Variants in AKAP6 observed in about 807,000 individuals in gnomAD.
AKAP6 encodes A-kinase anchor protein 6.
AKAP6 carries 58 observed loss-of-function variants against 188.5 expected under a neutral mutation model. The observed-to-expected ratio is 0.31, with a 90% CI of 0.25 to 0.38. AKAP6 has a LOEUF of 0.38. Ranked by LOEUF, AKAP6 falls within the 10% of genes least tolerant of loss-of-function variation. The probability of loss-of-function intolerance (pLI) is 1.00; values close to 1 mark genes in which losing one functional copy is unlikely to be tolerated. For synonymous variants in AKAP6, 989 were observed against 998.6 expected, an observed-to-expected ratio of 0.99 and a Z score of 0.18; for missense variants, 2,710 against 2,740.0, an observed-to-expected ratio of 0.99 and a Z score of 0.24.
intron 2 of AKAP6, among the ~76,000 whole-genome samples, chr14:32,468,971 G>C (rs762142777): frequency 3.9e-5 from 6 of 152,152 alleles, no homozygotes; most frequent in Non-Finnish European, 8.8e-5. Context: ...AGTGGAATGT[G>C]TGAAAAACTG....
At chr14:32,396,518 C>G (rs998388482) in intron 1 of AKAP6, among the ~76,000 whole-genome samples, 2 of 152,176 alleles carry the variant, frequency 1.3e-5, no homozygotes, top group Non-Finnish European at 2.9e-5. Context: ...TCAATCCCAT[C>G]CTTCCTGCCA....
chr14:32,392,296 A>G (rs1378086567), intron 1 of AKAP6, among the ~76,000 whole-genome samples: 2 of 152,216 alleles, frequency 1.3e-5, no homozygotes, highest in Non-Finnish European at 2.9e-5. Context: ...AGTAAATAAT[A>G]TAATGAAAAC....
chr14:32,768,307 T>C (rs2032780622), intron 11 of AKAP6, among the ~76,000 whole-genome samples: 1 of 152,224 alleles, frequency 6.6e-6, no homozygotes, highest in South Asian at 2.1e-4. Context: ...ATCATTGTTT[T>C]GCTTTATTAT....
In AKAP6 at chr14:32,720,838, C is replaced by T. The variant is rs566514344; in HGVS notation, c.3001-11616C>T. Among the ~76,000 whole-genome samples, 54 of 152,152 alleles carry T rather than the reference C, an allele frequency of 3.5e-4. 2 individuals are homozygous for T. The South Asian group carries it at 7.7e-3, about 22-fold the overall frequency. On this transcript the variant is annotated intron_variant, in intron 9 of 13. Coordinates refer to ENST00000280979, the MANE Select transcript of AKAP6 (RefSeq NM_004274.5). ...GCCAACTGCACTCCAGCCTGGGCAA[C>T]ACAGCAAGAACCTGTCTCAAAAAAA...
chr14:32,661,157 C>A (rs1888682827), intron 7 of AKAP6, among the ~76,000 whole-genome samples: 1 of 151,958 alleles, frequency 6.6e-6, no homozygotes, highest in Admixed American at 6.6e-5. Flanking sequence ...AGTAGGAAGT[C>A]AAAATGCAGA....
chr14:32,822,007 G>C lies in AKAP6; in HGVS notation c.4194G>C (p.Leu1398=). The change falls in exon 13 of 14, where the codon CTG becomes CTC. Residue 1398 remains leucine (L), a synonymous_variant. Transcript: ENST00000280979. ...GSPSNLETEH[L]DPQMGDAVNV... ...CAAGTAACCTTGAAACTGAACATCT[G>C]GACCCACAAATGGGAGATGCAGTTA... 6.2e-7 allele frequency: 1 copy of C among 1,613,862 alleles called. No homozygotes were observed. Among genetic ancestry groups the C allele is most frequent in the Non-Finnish European group, 8.5e-7 (1 of 1,179,930 alleles).
At chr14:32,462,777 C>G (rs527778131) in intron 2 of AKAP6, among the ~76,000 whole-genome samples, 4 of 151,862 alleles carry the variant, frequency 2.6e-5, no homozygotes, top group Admixed American at 6.6e-5. Flanking sequence ...AAGACACAGA[C>G]TAACCAATTG....
chr14:32,503,924 G>C (rs945565666), intron 2 of AKAP6, among the ~76,000 whole-genome samples: 1 of 151,494 alleles, frequency 6.6e-6, no homozygotes, highest in Non-Finnish European at 1.5e-5. Flanking sequence ...CCATAAAAAG[G>C]CAAGTTTGTT....
At chr14:32,569,402 G>A (rs9322904) in intron 4 of AKAP6, among the ~76,000 whole-genome samples, 1,907 of 152,208 alleles carry the variant, frequency 0.013, 20 homozygotes, top group Admixed American at 0.021. Context: ...AAGCATACAC[G>A]ATCTTTCCTC....
chr14:32,428,596 T>C (rs1051982176), intron 1 of AKAP6, among the ~76,000 whole-genome samples: 2 of 152,224 alleles, frequency 1.3e-5, no homozygotes, highest in African/African-American at 4.8e-5. Flanking sequence ...ACCCGGCTTT[T>C]CTGTTCTTTT....
intron 8 of AKAP6, among the ~76,000 whole-genome samples, chr14:32,681,689 T>TG (rs1299758930): frequency 6.6e-6 from 1 of 151,390 alleles, no homozygotes; most frequent in Non-Finnish European, 1.5e-5. Flanking sequence ...TTTTTTTTTT[T>TG]TTTTTTTGAG....
intron 7 of AKAP6, among the ~76,000 whole-genome samples, chr14:32,630,256 T>C (rs961093852): frequency 3.3e-5 from 5 of 152,264 alleles, no homozygotes; most frequent in Middle Eastern, 3.4e-3. Context: ...TCAAACCATC[T>C]TTAAATTGGA....
At chr14:32,671,258 A>AC (rs1889180267) in intron 7 of AKAP6, among the ~76,000 whole-genome samples, 1 of 152,188 alleles carries the variant, frequency 6.6e-6, no homozygotes, top group Non-Finnish European at 1.5e-5. Flanking sequence ...GAGCACACCC[A>AC]CCAGCCCTGC....
intron 11 of AKAP6, among the ~76,000 whole-genome samples, chr14:32,767,661 A>G (rs2032759800): frequency 1.3e-5 from 2 of 152,060 alleles, no homozygotes; most frequent in African/African-American, 2.4e-5. Flanking sequence ...GCCTTTTTAA[A>G]TGTGTGCTCC....
At chr14:32,650,569 C>G (rs1888175123) in intron 7 of AKAP6, among the ~76,000 whole-genome samples, 1 of 152,046 alleles carries the variant, frequency 6.6e-6, no homozygotes, top group African/African-American at 2.4e-5. Flanking sequence ...CAAGATCATG[C>G]CACTGTACTC....
intron 7 of AKAP6, among the ~76,000 whole-genome samples, chr14:32,657,392 A>G (rs1888500798): frequency 6.6e-6 from 1 of 152,290 alleles, no homozygotes; most frequent in African/African-American, 2.4e-5. Context: ...AGCTTAAAGC[A>G]GCAAATGAGC....
chr14:32,690,171 T>C (rs1020971469), intron 8 of AKAP6, among the ~76,000 whole-genome samples: 2 of 151,820 alleles, frequency 1.3e-5, no homozygotes, highest in African/African-American at 4.8e-5. Context: ...GTGTTATATA[T>C]TTTTTTCAAC....
At chr14:32,524,693 T>C (rs979537993) in intron 2 of AKAP6, among the ~76,000 whole-genome samples, 1 of 152,186 alleles carries the variant, frequency 6.6e-6, no homozygotes. Flanking sequence ...ACTGTAGATA[T>C]ATTTGTGTAA....
intron 7 of AKAP6, among the ~76,000 whole-genome samples, chr14:32,622,422 A>G (rs1043091791): frequency 6.6e-6 from 1 of 152,130 alleles, no homozygotes; most frequent in Non-Finnish European, 1.5e-5. Context: ...AGACAAATAG[A>G]CATAATTACA....
Sources: gnomAD v4.1 joint callset for allele counts (sites outside exome capture counted in the v4.1 genomes callset) on GRCh38, gnomAD v4.1.1 for gene constraint, MANE v1.5 for transcripts, NCBI Gene and HGNC (gene_info 2026-07-23, HGNC 2026-07-21) for gene names.